The following CCDC102B variants were observed in gnomAD, a reference collection of about 807,000 sequenced individuals.
CCDC102B encodes the protein coiled-coil domain-containing protein 102B.
In CCDC102B, 75 loss-of-function variants were observed where a neutral mutation model predicts 57.4. The ratio of observed to expected loss-of-function variants is 1.31; its 90% CI spans 1.08 to 1.58. CCDC102B has a LOEUF of 1.58. Ranked by LOEUF, CCDC102B falls within the 40% of genes most tolerant of loss-of-function variation. The pLI, the probability that CCDC102B is intolerant of heterozygous loss-of-function variation, is 0.00. For missense variants in CCDC102B, 636 were observed against 582.6 expected, an observed-to-expected ratio of 1.09 and a Z score of -0.94; for synonymous variants, 206 against 201.9, an observed-to-expected ratio of 1.02 and a Z score of -0.17.
chr18:68,931,770 C>T (rs1012208337), intron 6 of CCDC102B, among the ~76,000 whole-genome samples: 1 of 151,746 alleles, frequency 6.6e-6, no homozygotes, highest in South Asian at 2.1e-4. Flanking sequence ...TATGACCAAG[C>T]CTGGAAGTGG....
At chr18:68,771,436 C>T (rs1293307437) in intron 2 of CCDC102B, among the ~76,000 whole-genome samples, 2 of 152,146 alleles carry the variant, frequency 1.3e-5, no homozygotes, top group South Asian at 2.1e-4. Flanking sequence ...TGCAAAATAA[C>T]GATGACTGAA....
At chr18:68,961,363 T>A (rs1189186009) in intron 6 of CCDC102B, among the ~76,000 whole-genome samples, 6 of 152,000 alleles carry the variant, frequency 3.9e-5, no homozygotes, top group Non-Finnish European at 8.8e-5. Context: ...AATAAAAAAA[T>A]TTGATTTTAT....
intron 2 of CCDC102B, among the ~76,000 whole-genome samples, chr18:68,777,688 A>G (rs2034870602): frequency 6.6e-6 from 1 of 152,092 alleles, no homozygotes; most frequent in Non-Finnish European, 1.5e-5. Flanking sequence ...AAGCTATTCA[A>G]GTAAAGGAAT....
intron 6 of CCDC102B, among the ~76,000 whole-genome samples, chr18:68,996,411 T>G (rs1366925569): frequency 6.6e-6 from 1 of 152,312 alleles, no homozygotes; most frequent in Admixed American, 6.5e-5. Context: ...TTTTGAGACT[T>G]GGACTGGCTT....
chr18:68,790,839 A>T (rs1280562987), intron 2 of CCDC102B, among the ~76,000 whole-genome samples: 4 of 152,218 alleles, frequency 2.6e-5, no homozygotes, highest in African/African-American at 9.6e-5. Flanking sequence ...CTATTCAGCC[A>T]TCTTGGCTCC....
chr18:68,815,374 G>A (rs959948304), intron 1 of CCDC102B, among the ~76,000 whole-genome samples: 8 of 152,274 alleles, frequency 5.3e-5, no homozygotes, highest in African/African-American at 1.9e-4. Context: ...ATGCATTGGG[G>A]CAATGGTAAA....
At chr18:68,898,862 T>C (rs1235641422) in intron 6 of CCDC102B, among the ~76,000 whole-genome samples, 3 of 152,144 alleles carry the variant, frequency 2.0e-5, no homozygotes, top group African/African-American at 7.2e-5. Context: ...GGCACCTTTC[T>C]AGTTGTATCA....
chr18:68,910,946 T>C (rs1599675596), intron 6 of CCDC102B, among the ~76,000 whole-genome samples: 1 of 145,788 alleles, frequency 6.9e-6, no homozygotes, highest in African/African-American at 2.5e-5. Flanking sequence ...CAGATGATGG[T>C]GAGGTTGTGA....
At chr18:68,729,134 G>T (rs934067989) in intron 2 of CCDC102B, among the ~76,000 whole-genome samples, 21 of 152,094 alleles carry the variant, frequency 1.4e-4, no homozygotes, top group African/African-American at 4.8e-4. Flanking sequence ...ATAAAATGCT[G>T]CATTATAATT....
At chr18:68,937,149 G>A (rs2049263007) in intron 6 of CCDC102B, among the ~76,000 whole-genome samples, 1 of 151,968 alleles carries the variant, frequency 6.6e-6, no homozygotes, top group African/African-American at 2.4e-5. Flanking sequence ...AACTCATAGG[G>A]AGTAAAATTG....
At chr18:68,780,537 G>A (rs1193330608) in intron 2 of CCDC102B, among the ~76,000 whole-genome samples, 2 of 148,078 alleles carry the variant, frequency 1.4e-5, no homozygotes, top group African/African-American at 2.5e-5. Flanking sequence ...TGATTTTCAT[G>A]TCATGAAATA....
intron 2 of CCDC102B, among the ~76,000 whole-genome samples, chr18:68,744,390 G>A (rs1440960189): frequency 1.3e-5 from 2 of 152,156 alleles, no homozygotes; most frequent in Non-Finnish European, 2.9e-5. Context: ...TTTTATAAGA[G>A]TTGGGGGCTT....
At chr18:69,004,448 T>A (rs2051286579) in intron 6 of CCDC102B, among the ~76,000 whole-genome samples, 1 of 151,248 alleles carries the variant, frequency 6.6e-6, no homozygotes, top group South Asian at 2.1e-4. Context: ...TGGTGTGGAC[T>A]TGGTGGGGAG....
intron 1 of CCDC102B, among the ~76,000 whole-genome samples, chr18:68,801,400 C>T (rs1787256): frequency 0.97 from 146,922 of 152,172 alleles, 71,112 homozygotes; most frequent in East Asian, 1. Context: ...TTGCAAAGGA[C>T]TGTTAACATT....
chr18:68,771,332 A>G (rs989259258), intron 2 of CCDC102B, among the ~76,000 whole-genome samples: 2 of 152,202 alleles, frequency 1.3e-5, no homozygotes, highest in African/African-American at 4.8e-5. Flanking sequence ...CTATGTGACT[A>G]GTCAAGATAA....
At chr18:68,742,934 A>G (rs2033453260) in intron 2 of CCDC102B, among the ~76,000 whole-genome samples, 1 of 152,150 alleles carries the variant, frequency 6.6e-6, no homozygotes, top group Non-Finnish European at 1.5e-5. Context: ...TCTGGCTTTA[A>G]CTTTTGGCCA....
At chr18:68,780,154 T>C (rs570345507) in intron 2 of CCDC102B, among the ~76,000 whole-genome samples, 10 of 152,280 alleles carry the variant, frequency 6.6e-5, no homozygotes, top group Admixed American at 4.6e-4. Context: ...CTTATCATAA[T>C]GTCTCCTAAC....
chr18:68,766,032 AT>A (rs1481523361), intron 2 of CCDC102B, among the ~76,000 whole-genome samples: 7 of 152,176 alleles, frequency 4.6e-5, no homozygotes, highest in Non-Finnish European at 8.8e-5. Flanking sequence ...AAACATATTA[AT>A]TCATAGGAGA....
intron 6 of CCDC102B, among the ~76,000 whole-genome samples, chr18:68,910,106 A>G (rs1002641556): frequency 6.6e-6 from 1 of 152,190 alleles, no homozygotes; most frequent in African/African-American, 2.4e-5. Flanking sequence ...CAGCCTGGCC[A>G]ACACGGTGAA....
Sources: allele counts gnomAD v4.1 joint callset (sites outside exome capture counted in the v4.1 genomes callset), GRCh38; gene constraint gnomAD v4.1.1; transcripts MANE v1.5; gene names NCBI Gene and HGNC (gene_info 2026-07-23, HGNC 2026-07-21).